Variants in CDH3 observed in about 807,000 individuals in gnomAD.
CDH3 encodes cadherin 3.
CDH3 carries 54 observed loss-of-function variants against 82.0 expected under a neutral mutation model. The observed-to-expected ratio is 0.66, with a 90% CI of 0.53 to 0.83. The LOEUF is 0.83. Among genes scored for constraint, CDH3 ranks in the 40% least tolerant of loss-of-function variants. The probability of loss-of-function intolerance (pLI) is 0.00; values close to 1 mark genes in which losing one functional copy is unlikely to be tolerated. For missense variants in CDH3, 1,054 were observed against 1,084.6 expected (o/e 0.97, Z 0.40); for synonymous variants, 446 against 437.9 (o/e 1.02, Z -0.23).
intron 11 of CDH3, 77 bp downstream of exon 11, chr16:68,685,427 C>T: frequency 6.7e-7 from 1 of 1,495,048 alleles, no homozygotes; most frequent in Non-Finnish European, 9.3e-7. Context: ...AGCATGTTTC[C>T]TCCACAGGTG....
chr16:68,705,358 G>T (rs753685618), intron 1 of CDH3, among the ~76,000 whole-genome samples: 9 of 152,028 alleles, frequency 5.9e-5, no homozygotes, highest in Non-Finnish European at 1.2e-4. Context: ...TGAGTATGTG[G>T]CATCATCTAA....
chr16:68,719,431 C>T (rs988999124), intron 1 of CDH3, among the ~76,000 whole-genome samples: 3 of 146,928 alleles, frequency 2.0e-5, no homozygotes, highest in African/African-American at 5.0e-5. Context: ...CAGTGGTTGT[C>T]GGGGACCAGG....
At position 68,691,721 on chromosome 16, in the gene CDH3, T is replaced by C; in HGVS notation, c.1797T>C (p.Gly599=). 6.2e-7 allele frequency: 1 copy of C among 1,612,608 alleles called. No individual in the cohort carries two copies. Among genetic ancestry groups the C allele is most frequent in the African/African-American group, 1.3e-5 (1 of 75,028 alleles). Residue 599 remains glycine (G), a splice_region_variant and synonymous_variant, in exon 13 of 16, where the codon GGT becomes GGC. Transcript: ENST00000264012. ...IYWTAEVNEE[G]DTVVLSLKKF... ...TAATCAATGATCTGTTCACTCCAGG[T>C]GACACAGTGGTCTTGTCCCTGAAGA...
intron 9 of CDH3, among the ~76,000 whole-genome samples, chr16:68,683,928 G>A (rs558510290): frequency 5.3e-5 from 8 of 151,782 alleles, no homozygotes; most frequent in South Asian, 2.1e-4. Flanking sequence ...TTAGCTGGGC[G>A]TGGTGGCACA....
chr16:68,667,256 A>G (rs986471793), intron 2 of CDH3, among the ~76,000 whole-genome samples: 3 of 152,186 alleles, frequency 2.0e-5, no homozygotes, highest in Non-Finnish European at 4.4e-5. Flanking sequence ...AGTGATAGCT[A>G]TAAGGACAAA....
intron 2 of CDH3, among the ~76,000 whole-genome samples, chr16:68,649,863 G>GT: frequency 2.0e-5 from 3 of 152,196 alleles, no homozygotes; most frequent in Non-Finnish European, 4.4e-5. Flanking sequence ...GCGAAATCCC[G>GT]TATCTACTAA....
At chr16:68,652,014 T>G in intron 2 of CDH3, 1 of 202,364 alleles carries the variant, frequency 4.9e-6, no homozygotes, top group Non-Finnish European at 1.0e-5. Context: ...GGCCCTAATT[T>G]AGTAATTTTC....
At chr16:68,678,105 T>A in intron 3 of CDH3, 29 bp from the exon 4 acceptor site, 1 of 1,602,738 alleles carries the variant, frequency 6.2e-7, no homozygotes, top group Non-Finnish European at 8.5e-7. Context: ...TATTTGCACA[T>A]CTGGGTTAAG....
chr16:68,661,656 G>A (rs373128997), intron 2 of CDH3, among the ~76,000 whole-genome samples: 1 of 152,278 alleles, frequency 6.6e-6, no homozygotes, highest in East Asian at 1.9e-4. Context: ...AAATTCTAGT[G>A]GGGGAGATAG....
At chr16:68,700,993 G>C (rs983282383), downstream of CDH3, among the ~76,000 whole-genome samples, 1 of 152,216 alleles carries the variant, frequency 6.6e-6, no homozygotes, top group African/African-American at 2.4e-5. Flanking sequence ...TTTGCTGACA[G>C]GGAGTGTGGG....
intron 2 of CDH3, among the ~76,000 whole-genome samples, chr16:68,666,856 G>A (rs16958265): frequency 0.012 from 1,787 of 152,224 alleles, 34 homozygotes; most frequent in African/African-American, 0.041. Flanking sequence ...CTGTGGCACA[G>A]CATAATTAAC....
chr16:68,656,902 A>C (rs1278802069), intron 2 of CDH3, among the ~76,000 whole-genome samples: 4 of 152,094 alleles, frequency 2.6e-5, no homozygotes, highest in Non-Finnish European at 4.4e-5. Context: ...GAGGGTTCAG[A>C]TACCAGGTCT....
chr16:68,719,816 C>T (rs984740233), intron 1 of CDH3, among the ~76,000 whole-genome samples: 2 of 152,020 alleles, frequency 1.3e-5, no homozygotes, highest in Non-Finnish European at 1.5e-5. Context: ...TGTACTACAT[C>T]TTGATTATAG....
intron 8 of CDH3, among the ~76,000 whole-genome samples, chr16:68,682,069 C>G (rs1216069452): frequency 6.6e-6 from 1 of 152,138 alleles, no homozygotes; most frequent in African/African-American, 2.4e-5. Flanking sequence ...ACATCAGGCC[C>G]CTGCGTGTAG....
At chr16:68,731,390 AAAAAAAT>A (rs1416508837), downstream of CDH3, among the ~76,000 whole-genome samples, 55 of 24,780 alleles carry the variant, frequency 2.2e-3, 12 homozygotes, top group Admixed American at 0.022. Flanking sequence ...AAAAAAAAAA[AAAAAAAT>A]ATATATATAT....
chr16:68,725,453 T>C (rs1052405024), intron 2 of CDH3, among the ~76,000 whole-genome samples: 8 of 151,684 alleles, frequency 5.3e-5, no homozygotes, highest in Non-Finnish European at 1.0e-4. Context: ...CCTGCCTCAG[T>C]CTCCGGAGTA....
chr16:68,713,997 G>C (rs891908152), intron 1 of CDH3, among the ~76,000 whole-genome samples: 5 of 151,666 alleles, frequency 3.3e-5, no homozygotes, highest in African/African-American at 9.7e-5. Context: ...GCGGTGGCTC[G>C]ATCTCAGCTC....
chr16:68,685,129 G>A, intron 10 of CDH3, 76 bp from the exon 11 acceptor site: 1 of 1,537,532 alleles, frequency 6.5e-7, no homozygotes, highest in South Asian at 1.1e-5. Context: ...CTGCCAGTTG[G>A]TATGAGGAGG....
At chr16:68,681,453 G>A (rs1480420636) in intron 8 of CDH3, among the ~76,000 whole-genome samples, 1 of 152,126 alleles carries the variant, frequency 6.6e-6, no homozygotes, top group Non-Finnish European at 1.5e-5. Context: ...TACCTCCAAG[G>A]CAGAGGACTC....
Sources: allele counts gnomAD v4.1 joint callset (sites outside exome capture counted in the v4.1 genomes callset), GRCh38; gene constraint gnomAD v4.1.1; transcripts MANE v1.5; gene names NCBI Gene and HGNC (gene_info 2026-07-23, HGNC 2026-07-21).